The following PHTF2 variants were observed in gnomAD, a reference collection of about 807,000 sequenced individuals.
The protein encoded by PHTF2 is putative homeodomain transcription factor 2.
In PHTF2, 60 loss-of-function variants were observed where a neutral mutation model predicts 101.2. That is an observed-to-expected ratio of 0.59 (90% CI 0.48 to 0.73). The LOEUF (loss-of-function observed/expected upper bound fraction) is 0.73. Among genes scored for constraint, PHTF2 ranks in the 30% least tolerant of loss-of-function variants. The pLI, the probability that PHTF2 is intolerant of heterozygous loss-of-function variation, is 0.00. For missense variants in PHTF2, 747 were observed against 908.7 expected, an observed-to-expected ratio of 0.82 and a Z score of 2.29; for synonymous variants, 311 against 307.3, an observed-to-expected ratio of 1.01 and a Z score of -0.13.
intron 3 of PHTF2, among the ~76,000 whole-genome samples, chr7:77,892,546 G>A (rs1800529459): frequency 6.6e-6 from 1 of 152,110 alleles, no homozygotes; most frequent in African/African-American, 2.4e-5. Context: ...AGTCTCTTAA[G>A]TGTAGTTATC....
chr7:77,941,117 A>G (rs892498752), intron 15 of PHTF2, among the ~76,000 whole-genome samples: 1 of 152,170 alleles, frequency 6.6e-6, no homozygotes, highest in South Asian at 2.1e-4. Flanking sequence ...ATATGGAGTA[A>G]TCATGCAAAT....
intron 3 of PHTF2, among the ~76,000 whole-genome samples, chr7:77,867,876 G>T (rs1404545495): frequency 6.6e-6 from 1 of 152,124 alleles, no homozygotes; most frequent in East Asian, 1.9e-4. Context: ...ACGATCTTTT[G>T]TTTTAGTAGA....
At chr7:77,900,828 A>G (rs777396834) in intron 6 of PHTF2, 48 bp downstream of exon 5, 1 of 953,634 alleles carries the variant, frequency 1.0e-6, no homozygotes, top group Middle Eastern at 2.1e-4. Flanking sequence ...TTGTTCTGGA[A>G]GAAACAGAAT....
chr7:77,905,914 C>T (rs1234996398), intron 7 of PHTF2, among the ~76,000 whole-genome samples: 4 of 152,144 alleles, frequency 2.6e-5, no homozygotes, highest in Admixed American at 6.5e-5. Flanking sequence ...CTGTCTAGTT[C>T]GTAGGACTTC....
At chr7:77,947,174 C>CAAG (rs1233265449) in intron 16 of PHTF2, among the ~76,000 whole-genome samples, 2 of 151,940 alleles carry the variant, frequency 1.3e-5, no homozygotes, top group African/African-American at 4.8e-5. Context: ...ACAACAACAA[C>CAAG]AACAACAAAA....
chr7:77,938,402 A>G (rs1369607941), intron 13 of PHTF2, among the ~76,000 whole-genome samples: 2 of 152,174 alleles, frequency 1.3e-5, no homozygotes, highest in East Asian at 3.8e-4. Flanking sequence ...TTTATTTTCT[A>G]TTATTTCTTT....
chr7:77,834,172 G>A (rs1241618193), intron 1 of PHTF2, among the ~76,000 whole-genome samples: 1 of 151,912 alleles, frequency 6.6e-6, no homozygotes, highest in South Asian at 2.1e-4. Flanking sequence ...AAATTAGCCA[G>A]GCATCATGGT....
chr7:77,879,389 G>A (rs1799219209), intron 3 of PHTF2, among the ~76,000 whole-genome samples: 1 of 152,026 alleles, frequency 6.6e-6, no homozygotes, highest in South Asian at 2.1e-4. Flanking sequence ...TGGCTGCAGA[G>A]GCCTAAAGAA....
At chr7:77,930,978 T>A (rs149151019) in intron 12 of PHTF2, among the ~76,000 whole-genome samples, 16 of 152,314 alleles carry the variant, frequency 1.1e-4, no homozygotes, top group African/African-American at 3.6e-4. Context: ...TAAACATATA[T>A]ACCGATGGAA....
At chr7:77,952,946 T>TA (rs1806682584) in intron 18 of PHTF2, among the ~76,000 whole-genome samples, 1 of 152,170 alleles carries the variant, frequency 6.6e-6, no homozygotes, top group Non-Finnish European at 1.5e-5. Context: ...GTCTCTCACT[T>TA]ATGCTTTTGA....
intron 3 of PHTF2, among the ~76,000 whole-genome samples, chr7:77,879,164 A>G (rs1343238367): frequency 1.3e-5 from 2 of 152,250 alleles, no homozygotes; most frequent in Non-Finnish European, 2.9e-5. Context: ...GGTATGCAAT[A>G]GTACTTAACT....
chr7:77,875,460 T>G (rs1798849273), intron 3 of PHTF2, among the ~76,000 whole-genome samples: 1 of 152,026 alleles, frequency 6.6e-6, no homozygotes, highest in South Asian at 2.1e-4. Flanking sequence ...CAACATTGTT[T>G]AAGTAAAGTA....
intron 10 of PHTF2, among the ~76,000 whole-genome samples, chr7:77,920,674 T>G (rs1298808496): frequency 6.6e-6 from 1 of 152,168 alleles, no homozygotes; most frequent in Non-Finnish European, 1.5e-5. Context: ...AATTGATGGC[T>G]TCAGTTTTTC....
At chr7:77,928,184 G>C (rs1006605021) in intron 11 of PHTF2, among the ~76,000 whole-genome samples, 2 of 146,760 alleles carry the variant, frequency 1.4e-5, no homozygotes, top group African/African-American at 5.2e-5. Flanking sequence ...ACAGAGGACA[G>C]CCAAAAAAAA....
intron 3 of PHTF2, among the ~76,000 whole-genome samples, chr7:77,887,654 A>G (rs1562915955): frequency 6.6e-6 from 1 of 152,222 alleles, no homozygotes; most frequent in African/African-American, 2.4e-5. Flanking sequence ...ATTAAGAAGA[A>G]GGAGTTATTC....
chr7:77,902,878 A>T (rs1161701855), intron 7 of PHTF2, among the ~76,000 whole-genome samples: 1 of 152,190 alleles, frequency 6.6e-6, no homozygotes, highest in African/African-American at 2.4e-5. Flanking sequence ...TCTTATATAC[A>T]TAAAAGGGTG....
chr7:77,889,577 C>CTTT (rs1167785916), intron 3 of PHTF2, among the ~76,000 whole-genome samples: 16 of 117,932 alleles, frequency 1.4e-4, no homozygotes, highest in African/African-American at 4.9e-4. Flanking sequence ...GTAGTATTTT[C>CTTT]TTTTTTTTTT....
At chr7:77,896,578 A>G (rs2150811914) in intron 5 of PHTF2, among the ~76,000 whole-genome samples, 1 of 152,222 alleles carries the variant, frequency 6.6e-6, no homozygotes. Context: ...ATACATAAAT[A>G]ATAAACTTAT....
chr7:77,816,276 T>C (rs1226840869), intron 1 of PHTF2, among the ~76,000 whole-genome samples: 1 of 152,118 alleles, frequency 6.6e-6, no homozygotes, highest in Non-Finnish European at 1.5e-5. Context: ...GGTTTCACCA[T>C]GTTGGCCAGG....
Sources: gnomAD v4.1 joint callset for allele counts (sites outside exome capture counted in the v4.1 genomes callset) on GRCh38, gnomAD v4.1.1 for gene constraint, MANE v1.5 for transcripts, NCBI Gene and HGNC (gene_info 2026-07-23, HGNC 2026-07-21) for gene names.